Variants in TKFC observed in about 807,000 individuals in gnomAD.
The protein encoded by TKFC is triokinase/FMN cyclase.
A neutral mutation model predicts 61.0 loss-of-function variants in TKFC; 46 were observed. The ratio of observed to expected loss-of-function variants is 0.75; its 90% CI spans 0.60 to 0.96. The LOEUF (loss-of-function observed/expected upper bound fraction) is 0.96, where lower values mean the gene tolerates loss of function less well. Ranked by LOEUF, TKFC falls within the 50% of genes least tolerant of loss-of-function variation. The probability of loss-of-function intolerance (pLI) is 0.00; values close to 1 mark genes in which losing one functional copy is unlikely to be tolerated. For synonymous variants in TKFC, 314 were observed against 330.1 expected, an observed-to-expected ratio of 0.95 and a Z score of 0.53; for missense variants, 715 against 777.5, an observed-to-expected ratio of 0.92 and a Z score of 0.96.
chr11:61,343,260 T>A (rs1856953130), intron 10 of TKFC, 82 bp from the exon 11 acceptor site: 1 of 1,331,706 alleles, frequency 7.5e-7, no homozygotes, highest in Admixed American at 1.8e-5. Flanking sequence ...GAGCCCCAGC[T>A]TCCAAGGTCC....
intron 5 of TKFC, among the ~76,000 whole-genome samples, chr11:61,340,329 T>A (rs150628795): frequency 4.1e-3 from 2 of 492 alleles, no homozygotes; most frequent in African/African-American, 4.4e-3. Flanking sequence ...CCTTCCTCTT[T>A]TTTTTTTTTT....
At chr11:61,350,563 TG>T, downstream of TKFC, 1 of 1,054,434 alleles carries the variant, frequency 9.5e-7, no homozygotes, top group Non-Finnish European at 1.4e-6. Flanking sequence ...CCAAAGTCCC[TG>T]AGCCTGGTAC....
In TKFC at chr11:61,344,846, T is replaced by C. The variant is rs528990744; in HGVS notation, c.1241-414T>C. ...GCATCATTCATTCGAGAAAAAGGTATTTGGTGCCTGCCGTGGGGCAGGCAC... is the reference window on the plus strand; with the variant it reads ...GCATCATTCATTCGAGAAAAAGGTACTTGGTGCCTGCCGTGGGGCAGGCAC... On this transcript the variant is annotated intron_variant, in intron 13 of 17. Transcript: ENST00000394900. Among the ~76,000 whole-genome samples the C allele has an allele frequency of 2.6e-5, 4 of 152,318 alleles. No homozygotes were observed. The East Asian group carries it at 5.8e-4, about 22-fold the overall frequency.
chr11:61,334,931 C>G (rs1856542295), intron 2 of TKFC, among the ~76,000 whole-genome samples, 200 bp downstream of exon 2: 1 of 152,176 alleles, frequency 6.6e-6, no homozygotes. Context: ...CTGGTCCCAG[C>G]CAGGCCTGGG....
chr11:61,351,284 CT>C (rs909648792), downstream of TKFC: 35,230 of 292,030 alleles, frequency 0.12, 1 homozygote, highest in South Asian at 0.17. Context: ...AACACCCTTT[CT>C]TTTTTTTTTT....
At position 61,347,000 on chromosome 11, in the gene TKFC, C is replaced by T. The variant is rs1377608598; in HGVS notation, c.*497C>T. On this transcript the variant is annotated 3_prime_UTR_variant, in exon 18 of 18. Coordinates refer to ENST00000394900, the MANE Select transcript of TKFC (RefSeq NM_015533.4). The surrounding 1 kb of genome is among the most constrained non-coding windows in gnomAD (Gnocchi z 4.1). ...ACAGCCCTGGCTGCAGGCATCATGACCCATCTTCTACCAGGCAGATCTTTA... is the reference window on the plus strand; with the variant it reads ...ACAGCCCTGGCTGCAGGCATCATGATCCATCTTCTACCAGGCAGATCTTTA... 2 of 986,688 alleles carry T rather than the reference C, an allele frequency of 2.0e-6. No homozygotes were observed. The highest frequency in any genetic ancestry group is 2.4e-6 in the Non-Finnish European group (2 of 830,868). The allele number at this position is 986,688 out of a possible 1,614,324, so 61.1% of individuals were successfully genotyped here. A position where few individuals can be genotyped will look rare whatever the true frequency, so the allele number is the denominator to read the frequency against.
At chr11:61,350,650 C>G (rs1357664098), downstream of TKFC, 1 of 614,236 alleles carries the variant, frequency 1.6e-6, no homozygotes, top group Non-Finnish European at 2.8e-6. Flanking sequence ...TCCCACTAGA[C>G]TAGCCCCCAG....
rs1274400007 is a variant in TKFC, at chr11:61,345,386, A to C, written c.1347+20A>C. ...GGGGCGGTGGGTGCCTGGGGGCTGA[A>C]GGGCTGACAGGGAGGTGGCTGGGCT... On this transcript the variant is annotated intron_variant, in intron 14 of 17. Transcript: ENST00000394900. 6.3e-7 allele frequency: 1 copy of C among 1,598,200 alleles called. No homozygotes were observed. Among genetic ancestry groups the C allele is most frequent in the Admixed American group, 1.7e-5 (1 of 59,560 alleles).
Position 61,346,305 on chromosome 11 carries a change from G to T in TKFC, c.1576-46G>T. 1 of 1,609,230 alleles carries T rather than the reference G, an allele frequency of 6.2e-7. No individual in the cohort carries two copies. On this transcript the variant is annotated intron_variant, in intron 17 of 17. Transcript: ENST00000394900. The surrounding 1 kb of genome is among the most constrained non-coding windows in gnomAD (Gnocchi z 4.1). Reference sequence around the variant, plus strand: ...TTCTGCCCATGGCAGGAAGGAGGCGGCCTGGTGATCTGCCCTTGAACCTGC... The same window carrying T: ...TTCTGCCCATGGCAGGAAGGAGGCGTCCTGGTGATCTGCCCTTGAACCTGC...
chr11:61,349,550 G>A (rs1348340208), downstream of TKFC: 4 of 702,992 alleles, frequency 5.7e-6, no homozygotes, highest in Non-Finnish European at 1.0e-5. Flanking sequence ...GTTCTTGGGA[G>A]AGCAGGTCAC....
In TKFC at chr11:61,347,361, G is replaced by A. The variant is rs899023633; in HGVS notation, c.*858G>A. The A allele has an allele frequency of 3.8e-5, 34 of 893,420 alleles. No individual in the cohort carries two copies. The highest frequency in any genetic ancestry group is 5.1e-5 in the South Asian group (1 of 19,532). The allele number at this position is 893,420 out of a possible 1,614,324, so 55.3% of individuals were successfully genotyped here. On this transcript the variant is annotated 3_prime_UTR_variant, in exon 18 of 18. Coordinates refer to ENST00000394900, the MANE Select transcript of TKFC (RefSeq NM_015533.4). ...GTTCAAGACCAGTCTGGGCAACATG[G>A]TAAAACCCTGTCTCTACCAAAAAAT...
At chr11:61,345,056 C>T (rs927631880) in intron 13 of TKFC, among the ~76,000 whole-genome samples, 23 of 152,198 alleles carry the variant, frequency 1.5e-4, no homozygotes, top group African/African-American at 5.3e-4. Flanking sequence ...TGGAGGGCTT[C>T]GGGGCAGGCC....
Position 61,346,514 on chromosome 11 carries a change from T to A in TKFC, c.*11T>A, listed in dbSNP as rs1857136823. On this transcript the variant is annotated 3_prime_UTR_variant, in exon 18 of 18. Coordinates refer to ENST00000394900, the MANE Select transcript of TKFC (RefSeq NM_015533.4). This position sits in a 1 kb window ranked among gnomAD's most constrained non-coding sequence, Gnocchi z 4.1. ...GTCTTGCAGAGCTAGGGTGTGTGAC[T>A]GCCTCCCTTGGCCTCAGCTCCTCTC... The A allele has an allele frequency of 6.3e-7, 1 of 1,587,218 alleles. No individual in the cohort carries two copies. Among genetic ancestry groups the A allele is most frequent in the Non-Finnish European group, 8.6e-7 (1 of 1,166,392 alleles).
intron 16 of TKFC, 21 bp from the exon 17 acceptor site, chr11:61,345,836 C>T: frequency 6.2e-7 from 1 of 1,614,158 alleles, no homozygotes; most frequent in Non-Finnish European, 8.5e-7. Flanking sequence ...TGCTCAGCCC[C>T]CTTTCCTTCA....
chr11:61,343,964 C>G lies in TKFC; in HGVS notation c.1091C>G (p.Thr364Ser), dbSNP rs1239944687. 3 of 1,611,310 alleles carry G rather than the reference C, an allele frequency of 1.9e-6. No homozygotes were observed. The South Asian group carries it at 3.3e-5, about 18-fold the overall frequency. The change falls in exon 12 of 18, where the codon ACT becomes AGT. Residue 364 changes from threonine to serine, a missense_variant. By Grantham distance (58) the Thr-to-Ser change is moderately conservative. Coordinates refer to ENST00000394900, the MANE Select transcript of TKFC (RefSeq NM_015533.4). Reference sequence around the variant, plus strand: ...GAGCCCCAGGAGGCCCCTGATTCCACTGCTGCAGGAGGTACCAACCCCTGC... The same window carrying G: ...GAGCCCCAGGAGGCCCCTGATTCCAGTGCTGCAGGAGGTACCAACCCCTGC... ...PAEPQEAPDS[T>S]AAGGSASKRM...
In TKFC at chr11:61,345,811, C is replaced by T. The variant is rs199871925; in HGVS notation, c.1486-46C>T. On this transcript the variant is annotated intron_variant, in intron 16 of 17. Coordinates refer to ENST00000394900, the MANE Select transcript of TKFC (RefSeq NM_015533.4). ...GCCCTGTAAGTCTAAAGAGCACCCT[C>T]GGTTGCAGGGCCCGTGCTCAGCCCC... is the stretch of plus-strand genomic sequence containing the variant. 74 of 1,614,100 alleles carry T rather than the reference C, an allele frequency of 4.6e-5. 2 individuals are homozygous for T. The Admixed American group carries it at 5.7e-4, about 12-fold the overall frequency.
At chr11:61,350,889 G>A (rs1414646720), downstream of TKFC, 2 of 1,468,632 alleles carry the variant, frequency 1.4e-6, no homozygotes, top group African/African-American at 1.4e-5. Flanking sequence ...TTCCTGCTGT[G>A]CCACAGGGTA....
At chr11:61,343,527 G>GTC in intron 11 of TKFC, 69 bp downstream of exon 11, 1 of 1,439,530 alleles carries the variant, frequency 6.9e-7, no homozygotes. Context: ...GGGAGACTTG[G>GTC]AGACCCCGTC....
chr11:61,339,363 GGACGACAGCGCCTTCAC>G lies in TKFC; in HGVS notation c.415_431del (p.Asp139CysfsTer25). On this transcript the variant is annotated frameshift_variant, in exon 5 of 18. Coordinates refer to ENST00000394900, the MANE Select transcript of TKFC (RefSeq NM_015533.4). ...TCCCGGTGGAGATGGTGGTGATTGGGGACGACAGCGCCTTCACTGTCCTGAAGAAGGCAGGCCGGCGG... is the reference window on the plus strand; with the variant it reads ...TCCCGGTGGAGATGGTGGTGATTGGGTGTCCTGAAGAAGGCAGGCCGGCGG... The G allele has an allele frequency of 6.2e-7, 1 of 1,613,648 alleles. No individual in the cohort carries two copies. The highest frequency in any genetic ancestry group is 2.2e-5 in the East Asian group (1 of 44,880).
Sources: gnomAD v4.1 joint callset for allele counts (sites outside exome capture counted in the v4.1 genomes callset) on GRCh38, gnomAD v4.1.1 for gene constraint, Gnocchi (gnomAD v3.1) non-coding constraint, MANE v1.5 for transcripts, NCBI Gene and HGNC (gene_info 2026-07-23, HGNC 2026-07-21) for gene names.